ABCC4: variants seen among roughly 807,000 people sequenced by gnomAD.
ABCC4 encodes ATP binding cassette subfamily C member 4 (PEL blood group).
In ABCC4, 102 loss-of-function variants were observed where a neutral mutation model predicts 168.5. The ratio of observed to expected loss-of-function variants is 0.61; its 90% CI spans 0.52 to 0.71. ABCC4 has a LOEUF of 0.71. Ranked by LOEUF, ABCC4 falls within the 30% of genes least tolerant of loss-of-function variation. The pLI, the probability that ABCC4 is intolerant of heterozygous loss-of-function variation, is 0.00. For missense variants in ABCC4, 1,402 were observed against 1,605.8 expected (o/e 0.87, Z 2.17); for synonymous variants, 617 against 590.7 (o/e 1.04, Z -0.65).
chr13:95,099,135 G>A (rs2034710573), intron 20 of ABCC4, among the ~76,000 whole-genome samples: 1 of 152,080 alleles, frequency 6.6e-6, no homozygotes, highest in South Asian at 2.1e-4. Flanking sequence ...TCAGAGAGTA[G>A]ACAAATAAAT....
At chr13:95,151,704 G>T (rs2139511972) in intron 19 of ABCC4, among the ~76,000 whole-genome samples, 1 of 152,252 alleles carries the variant, frequency 6.6e-6, no homozygotes, top group South Asian at 2.1e-4. Flanking sequence ...AAGTTTGCAA[G>T]TCCCTTGAAA....
chr13:95,292,902 T>C (rs192916297), intron 1 of ABCC4, among the ~76,000 whole-genome samples: 7 of 151,902 alleles, frequency 4.6e-5, no homozygotes, highest in Non-Finnish European at 8.8e-5. Context: ...TACTCATGAG[T>C]AAGGGGCTGG....
chr13:95,292,255 G>A (rs7999916), intron 1 of ABCC4, among the ~76,000 whole-genome samples: 43,818 of 151,628 alleles, frequency 0.29, 7,935 homozygotes, highest in African/African-American at 0.52. Flanking sequence ...GCTACTCAGG[G>A]GGCTGAGGTG....
chr13:95,274,909 T>A (rs9561827), intron 1 of ABCC4, among the ~76,000 whole-genome samples: 12,132 of 151,996 alleles, frequency 0.08, 698 homozygotes, highest in East Asian at 0.16. Context: ...CAACCCTGTC[T>A]CTACTAAAAA....
At chr13:95,056,045 C>T (rs1045069953) in intron 26 of ABCC4, among the ~76,000 whole-genome samples, 2 of 152,058 alleles carry the variant, frequency 1.3e-5, no homozygotes, top group African/African-American at 4.8e-5. Flanking sequence ...GGAAGACAAG[C>T]CTCTCATTAT....
rs576052484 is a variant in ABCC4, at chr13:95,190,311, C to T, written c.1264-1769G>A. Among the ~76,000 whole-genome samples the T allele has an allele frequency of 2.5e-3, 381 of 152,308 alleles. 1 individual carries two copies. The highest frequency in any genetic ancestry group is 0.01 in the Middle Eastern group (3 of 294). On this transcript the variant is annotated intron_variant, in intron 9 of 30. Transcript: ENST00000645237. ...CCAAGATTGCACCACTGCACTCTAA[C>T]CCGGGTGACACAGTAAGACCTTGTC...
intron 29 of ABCC4, among the ~76,000 whole-genome samples, chr13:95,039,219 C>T (rs2032254237): frequency 1.3e-5 from 2 of 152,194 alleles, no homozygotes; most frequent in Non-Finnish European, 2.9e-5. Context: ...ATTCAGCATA[C>T]TTAATCCGAA....
intron 13 of ABCC4, among the ~76,000 whole-genome samples, chr13:95,172,848 G>A (rs2037526720): frequency 6.6e-6 from 1 of 152,068 alleles, no homozygotes; most frequent in Non-Finnish European, 1.5e-5. Flanking sequence ...GAGCCCAGGA[G>A]GTAGAAGTTG....
At chr13:95,121,522 C>A (rs921949973) in intron 19 of ABCC4, among the ~76,000 whole-genome samples, 3 of 151,240 alleles carry the variant, frequency 2.0e-5, no homozygotes, top group Non-Finnish European at 4.4e-5. Context: ...GATCCTCCTG[C>A]CTCAGCCTCC....
At chr13:95,048,520 G>C (rs1216054086) in intron 27 of ABCC4, among the ~76,000 whole-genome samples, 2 of 152,316 alleles carry the variant, frequency 1.3e-5, no homozygotes, top group East Asian at 1.9e-4. Flanking sequence ...CAACAGATGG[G>C]AACAACCTTT....
At chr13:95,062,669 A>G in intron 26 of ABCC4, 35 bp downstream of exon 26, 4 of 1,569,814 alleles carry the variant, frequency 2.5e-6, no homozygotes, top group Non-Finnish European at 3.5e-6. Flanking sequence ...TAGCTCTTAT[A>G]AAAGGGGCAG....
chr13:95,178,222 A>T, intron 11 of ABCC4, 131 bp from the exon 12 acceptor site: 1 of 751,846 alleles, frequency 1.3e-6, no homozygotes, highest in Middle Eastern at 2.5e-4. Flanking sequence ...TATTTGATCA[A>T]CAGCAATGGA....
At chr13:95,172,889 A>G (rs192346471) in intron 13 of ABCC4, among the ~76,000 whole-genome samples, 283 of 152,338 alleles carry the variant, frequency 1.9e-3, no homozygotes, top group African/African-American at 6.3e-3. Flanking sequence ...ATTGCACTTC[A>G]GCCTGGGTGA....
At chr13:95,270,836 C>T (rs1294556601) in intron 1 of ABCC4, among the ~76,000 whole-genome samples, 2 of 152,220 alleles carry the variant, frequency 1.3e-5, no homozygotes, top group Non-Finnish European at 2.9e-5. Context: ...TGGCTCACGC[C>T]TGTAATCCCA....
chr13:95,160,802 A>G (rs527243492), intron 19 of ABCC4, among the ~76,000 whole-genome samples: 15 of 152,226 alleles, frequency 9.9e-5, no homozygotes, highest in Non-Finnish European at 1.9e-4. Flanking sequence ...ATCCCTCTGA[A>G]AAATGGCATA....
At chr13:95,138,682 A>G (rs1041576706) in intron 19 of ABCC4, among the ~76,000 whole-genome samples, 2 of 152,138 alleles carry the variant, frequency 1.3e-5, no homozygotes, top group Non-Finnish European at 2.9e-5. Context: ...TAAAAATCCA[A>G]ATGAGTCCCT....
intron 1 of ABCC4, among the ~76,000 whole-genome samples, chr13:95,293,755 G>A (rs1356450923): frequency 7.4e-5 from 11 of 147,966 alleles, no homozygotes; most frequent in African/African-American, 1.7e-4. Context: ...ATAAGCCACC[G>A]CACCCAGCCT....
intron 26 of ABCC4, among the ~76,000 whole-genome samples, chr13:95,055,194 G>T (rs1245601707): frequency 6.6e-6 from 1 of 152,202 alleles, no homozygotes; most frequent in African/African-American, 2.4e-5. Flanking sequence ...GGAATTTCTT[G>T]TGAGGGGAAT....
intron 14 of ABCC4, 147 bp downstream of exon 14, chr13:95,170,385 A>G: frequency 1.9e-6 from 1 of 532,972 alleles, no homozygotes; most frequent in East Asian, 3.0e-5. Context: ...AGCATGTAAT[A>G]ATGACATTTC....
Sources: gnomAD v4.1 joint callset for allele counts (sites outside exome capture counted in the v4.1 genomes callset) on GRCh38, gnomAD v4.1.1 for gene constraint, MANE v1.5 for transcripts, NCBI Gene and HGNC (gene_info 2026-07-23, HGNC 2026-07-21) for gene names.